Variants in KCNIP4 observed in about 807,000 individuals in gnomAD.
The protein encoded by KCNIP4 is Kv channel-interacting protein 4.
In KCNIP4, 12 loss-of-function variants were observed where a neutral mutation model predicts 34.0. That is an observed-to-expected ratio of 0.35 (90% CI 0.23 to 0.57). The LOEUF (loss-of-function observed/expected upper bound fraction) is 0.57, where lower values mean the gene tolerates loss of function less well. Ranked by LOEUF, KCNIP4 falls within the 20% of genes least tolerant of loss-of-function variation. The probability of loss-of-function intolerance (pLI) is 0.83; values close to 1 mark genes in which losing one functional copy is unlikely to be tolerated. For synonymous variants in KCNIP4, 124 were observed against 102.2 expected, an observed-to-expected ratio of 1.21 and a Z score of -1.29; for missense variants, 238 against 311.7, an observed-to-expected ratio of 0.76 and a Z score of 1.78.
intron 1 of KCNIP4, among the ~76,000 whole-genome samples, chr4:20,943,525 T>C (rs910102179): frequency 1.3e-5 from 2 of 152,224 alleles, no homozygotes; most frequent in Non-Finnish European, 2.9e-5. Context: ...ATGCTTATTA[T>C]GGGCCAGGGA....
At chr4:21,376,591 C>T (rs1577260376) in intron 1 of KCNIP4, among the ~76,000 whole-genome samples, 1 of 152,310 alleles carries the variant, frequency 6.6e-6, no homozygotes, top group Non-Finnish European at 1.5e-5. Flanking sequence ...TTCTAAATGT[C>T]TCCATCTCCC....
At chr4:21,514,036 A>T (rs1033308873) in intron 1 of KCNIP4, among the ~76,000 whole-genome samples, 1 of 152,190 alleles carries the variant, frequency 6.6e-6, no homozygotes, top group Non-Finnish European at 1.5e-5. Flanking sequence ...AGAGCTTTGT[A>T]AATTACAGCA....
chr4:21,131,660 A>T (rs537304832), intron 1 of KCNIP4, among the ~76,000 whole-genome samples: 42 of 152,250 alleles, frequency 2.8e-4, no homozygotes, highest in African/African-American at 9.9e-4. Context: ...GAGGGCAATG[A>T]TTGGAAGGAA....
chr4:21,305,087 G>T (rs1578052231), intron 1 of KCNIP4, among the ~76,000 whole-genome samples: 1 of 151,830 alleles, frequency 6.6e-6, no homozygotes, highest in African/African-American at 2.4e-5. Flanking sequence ...ATGAAATACA[G>T]AATTTAAAAA....
At chr4:21,900,238 T>C (rs935798385) in intron 1 of KCNIP4, among the ~76,000 whole-genome samples, 1 of 152,182 alleles carries the variant, frequency 6.6e-6, no homozygotes, top group African/African-American at 2.4e-5. Context: ...TTGCAGATGG[T>C]TTACTAAAAT....
Position 20,948,260 on chromosome 4 carries a change from A to G in KCNIP4, c.62-65551T>C, listed in dbSNP as rs560214047. Among the ~76,000 whole-genome samples, 3 of 152,338 alleles carry G rather than the reference A, an allele frequency of 2.0e-5. No individual in the cohort carries two copies. In the South Asian group the frequency reaches 6.2e-4, roughly 32 times the overall value. On this transcript the variant is annotated intron_variant, in intron 1 of 8. Coordinates refer to ENST00000382152, the MANE Select transcript of KCNIP4 (RefSeq NM_025221.6). ...GAAAGAGAATGTGAGTCAATATAAT[A>G]TTGGATGCCTGAAAAGTGCAGCAAA...
At chr4:20,899,698 C>T (rs1484962265) in intron 1 of KCNIP4, among the ~76,000 whole-genome samples, 4 of 152,174 alleles carry the variant, frequency 2.6e-5, no homozygotes, top group Non-Finnish European at 4.4e-5. Flanking sequence ...TTCATAACTT[C>T]AAAGCTGGCT....
intron 1 of KCNIP4, among the ~76,000 whole-genome samples, chr4:21,838,450 G>C (rs568696993): frequency 3.3e-5 from 5 of 152,172 alleles, no homozygotes; most frequent in Admixed American, 3.3e-4. Flanking sequence ...ATGAGAGTTC[G>C]TGGTCTCATG....
intron 1 of KCNIP4, among the ~76,000 whole-genome samples, chr4:21,921,157 CTAAT>C (rs146985540): frequency 1.6e-4 from 24 of 152,234 alleles, no homozygotes; most frequent in African/African-American, 5.5e-4. Context: ...TCTTCCCTAA[CTAAT>C]TAAGATTCTC....
At chr4:21,863,768 C>G (rs1409615256) in intron 1 of KCNIP4, among the ~76,000 whole-genome samples, 1 of 152,130 alleles carries the variant, frequency 6.6e-6, no homozygotes, top group Non-Finnish European at 1.5e-5. Flanking sequence ...GCAACTATCC[C>G]CACAGATCCA....
intron 3 of KCNIP4, among the ~76,000 whole-genome samples, chr4:20,799,393 G>A (rs1713922037): frequency 6.6e-6 from 1 of 152,138 alleles, no homozygotes; most frequent in Non-Finnish European, 1.5e-5. Context: ...CCAGGCATCT[G>A]GCAGCCCCAC....
Position 21,449,468 on chromosome 4 carries a change from T to C in KCNIP4, c.61+499103A>G, listed in dbSNP as rs115505939. Among the ~76,000 whole-genome samples the C allele has an allele frequency of 2.4e-3, 365 of 152,150 alleles. 3 individuals are homozygous for C. The highest frequency in any genetic ancestry group is 8.5e-3 in the African/African-American group (352 of 41,484). ...TTTAGGACTTTGGAGCTGATGATAT[T>C]GTAGTAATTTGTTATAGCAGCCACA... On this transcript the variant is annotated intron_variant, in intron 1 of 8. Coordinates refer to ENST00000382152, the MANE Select transcript of KCNIP4 (RefSeq NM_025221.6).
chr4:21,917,921 G>A (rs1728730871), intron 1 of KCNIP4, among the ~76,000 whole-genome samples: 1 of 152,176 alleles, frequency 6.6e-6, no homozygotes. Context: ...TTATTAGATA[G>A]ATACAGTAGA....
intron 1 of KCNIP4, among the ~76,000 whole-genome samples, chr4:21,621,761 C>T (rs1178306021): frequency 6.6e-6 from 1 of 152,266 alleles, no homozygotes; most frequent in South Asian, 2.1e-4. Flanking sequence ...GCACGAAGGT[C>T]TGAAGCTGGT....
chr4:21,911,724 A>G (rs545887140), intron 1 of KCNIP4, among the ~76,000 whole-genome samples: 1 of 151,468 alleles, frequency 6.6e-6, no homozygotes, highest in Non-Finnish European at 1.5e-5. Context: ...AGGGTCCTTT[A>G]GTACTTGGTG....
intron 1 of KCNIP4, among the ~76,000 whole-genome samples, chr4:21,002,828 T>C (rs536576214): frequency 6.6e-6 from 1 of 152,310 alleles, no homozygotes; most frequent in African/African-American, 2.4e-5. Flanking sequence ...AGAGAATTAT[T>C]CTGAGATAAG....
chr4:21,600,743 C>T (rs1254747834), intron 1 of KCNIP4, among the ~76,000 whole-genome samples: 1 of 152,048 alleles, frequency 6.6e-6, no homozygotes, highest in African/African-American at 2.4e-5. Flanking sequence ...GTGAGCTGTT[C>T]CTCTGAATTG....
chr4:21,736,742 A>C (rs1716018248), intron 1 of KCNIP4, among the ~76,000 whole-genome samples: 1 of 152,318 alleles, frequency 6.6e-6, no homozygotes. Context: ...TGACATTATA[A>C]ATAATTTTAT....
chr4:21,085,638 G>C (rs1409229558), intron 1 of KCNIP4, among the ~76,000 whole-genome samples: 1 of 152,086 alleles, frequency 6.6e-6, no homozygotes, highest in Non-Finnish European at 1.5e-5. Flanking sequence ...TAGTTGGTTT[G>C]GGTTACCCTA....
Sources: gnomAD v4.1 joint callset for allele counts (sites outside exome capture counted in the v4.1 genomes callset) on GRCh38, gnomAD v4.1.1 for gene constraint, MANE v1.5 for transcripts, NCBI Gene and HGNC (gene_info 2026-07-23, HGNC 2026-07-21) for gene names.